The following MITF variants were observed in gnomAD, a reference collection of about 807,000 sequenced individuals.
MITF encodes the protein microphthalmia-associated transcription factor.
A neutral mutation model predicts 60.5 loss-of-function variants in MITF; 17 were observed. The ratio of observed to expected loss-of-function variants is 0.28; its 90% CI spans 0.19 to 0.42. The LOEUF (loss-of-function observed/expected upper bound fraction) is 0.42, where lower values mean the gene tolerates loss of function less well. Among genes scored for constraint, MITF ranks in the 10% least tolerant of loss-of-function variants. The pLI is 1.00. For synonymous variants in MITF, 260 were observed against 248.5 expected, an observed-to-expected ratio of 1.05 and a Z score of -0.43; for missense variants, 622 against 683.5, an observed-to-expected ratio of 0.91 and a Z score of 1.00.
At chr3:69,891,455 G>T (rs1047259489) in intron 2 of MITF, among the ~76,000 whole-genome samples, 2 of 152,156 alleles carry the variant, frequency 1.3e-5, no homozygotes, top group Non-Finnish European at 2.9e-5. Flanking sequence ...TAGCCACTGC[G>T]TCCCCTGCGA....
chr3:69,811,474 G>A (rs975150039), intron 1 of MITF, among the ~76,000 whole-genome samples: 5 of 152,164 alleles, frequency 3.3e-5, no homozygotes, highest in African/African-American at 1.2e-4. Flanking sequence ...CATAAAGTCT[G>A]GTTAAATGCA....
intron 1 of MITF, among the ~76,000 whole-genome samples, chr3:69,857,216 G>T (rs2107198458): frequency 6.6e-6 from 1 of 152,114 alleles, no homozygotes; most frequent in Non-Finnish European, 1.5e-5. Flanking sequence ...GTTTGCTTTT[G>T]TGTTCATTGG....
intron 2 of MITF, among the ~76,000 whole-genome samples, chr3:69,919,612 A>G (rs2107422510): frequency 6.6e-6 from 1 of 152,218 alleles, no homozygotes; most frequent in East Asian, 1.9e-4. Flanking sequence ...TAATAAATAC[A>G]AAAGAATAGC....
chr3:69,955,311 C>T (rs760344286), intron 7 of MITF, among the ~76,000 whole-genome samples: 1 of 151,966 alleles, frequency 6.6e-6, no homozygotes. Flanking sequence ...TAAATGTTTA[C>T]GTTGATTGCC....
chr3:69,887,600 G>A (rs962186401), intron 2 of MITF, among the ~76,000 whole-genome samples: 3 of 151,990 alleles, frequency 2.0e-5, no homozygotes, highest in South Asian at 2.1e-4. Flanking sequence ...AAATGAATCC[G>A]AATTGGAGCA....
chr3:69,864,213 A>G (rs1333632007), intron 1 of MITF, among the ~76,000 whole-genome samples: 1 of 152,224 alleles, frequency 6.6e-6, no homozygotes, highest in Non-Finnish European at 1.5e-5. Flanking sequence ...GTACAAAGTC[A>G]TAGAATTAGT....
At chr3:69,774,254 T>C (rs1255905436) in intron 1 of MITF, among the ~76,000 whole-genome samples, 6 of 152,174 alleles carry the variant, frequency 3.9e-5, no homozygotes. Flanking sequence ...TGCCCCAAAG[T>C]TGCATCATGA....
At chr3:69,865,336 A>T (rs766486369) in intron 1 of MITF, among the ~76,000 whole-genome samples, 6 of 152,188 alleles carry the variant, frequency 3.9e-5, no homozygotes, top group Non-Finnish European at 7.3e-5. Flanking sequence ...TCAGTGTCAG[A>T]TGTCTTTGTT....
chr3:69,753,857 G>A (rs1704029560), intron 1 of MITF, among the ~76,000 whole-genome samples: 1 of 152,126 alleles, frequency 6.6e-6, no homozygotes. Flanking sequence ...TTAATTTATA[G>A]GCTCATAGGC....
intron 2 of MITF, among the ~76,000 whole-genome samples, chr3:69,903,312 T>G (rs2065031875): frequency 6.6e-6 from 1 of 152,188 alleles, no homozygotes; most frequent in South Asian, 2.1e-4. Context: ...TTATTTCAGA[T>G]GGTAAGCACA....
intron 2 of MITF, among the ~76,000 whole-genome samples, chr3:69,892,877 C>T (rs145123862): frequency 1.2e-3 from 188 of 152,268 alleles, no homozygotes; most frequent in Non-Finnish European, 2.4e-3. Context: ...AAGTGTTTTT[C>T]TTCCTTTCTC....
At chr3:69,875,224 G>A (rs1473486676) in intron 1 of MITF, among the ~76,000 whole-genome samples, 2 of 152,184 alleles carry the variant, frequency 1.3e-5, no homozygotes, top group African/African-American at 2.4e-5. Context: ...AGTTCTCAGG[G>A]GAGTTGTGTG....
chr3:69,954,925 A>G (rs1044714321), intron 7 of MITF, among the ~76,000 whole-genome samples: 10 of 152,234 alleles, frequency 6.6e-5, no homozygotes, highest in Admixed American at 6.5e-4. Flanking sequence ...ATATTCTGGT[A>G]TTTAGAGTAA....
chr3:69,883,919 A>G (rs2064550290), intron 2 of MITF, among the ~76,000 whole-genome samples: 1 of 152,120 alleles, frequency 6.6e-6, no homozygotes, highest in East Asian at 1.9e-4. Context: ...ATTTATAAAC[A>G]TTGTTGTCCT....
intron 2 of MITF, among the ~76,000 whole-genome samples, chr3:69,887,195 T>C (rs1244796790): frequency 6.6e-6 from 1 of 152,226 alleles, no homozygotes; most frequent in Admixed American, 6.5e-5. Flanking sequence ...ATGAGTCTCC[T>C]TCACAAATAT....
At position 69,794,747 on chromosome 3, in the gene MITF, C is replaced by T. The variant is rs539187611; in HGVS notation, c.104+55046C>T. ...CATTTCCAGCACAGTAGAAGATTCC[C>T]TTTTCCCCATCTTAGCCAGTAAGCA... On this transcript the variant is annotated intron_variant, in intron 1 of 9. Coordinates refer to ENST00000352241, the MANE Select transcript of MITF (RefSeq NM_001354604.2). Among the ~76,000 whole-genome samples, 3 of 152,342 alleles carry T rather than the reference C, an allele frequency of 2.0e-5. No individual in the cohort carries two copies. The East Asian group carries it at 5.8e-4, about 29-fold the overall frequency.
chr3:69,763,993 A>G, intron 1 of MITF: 1 of 1,272,120 alleles, frequency 7.9e-7, no homozygotes, highest in Non-Finnish European at 1.0e-6. Context: ...CTTATATAGC[A>G]TGTTTTTTAA....
At position 69,967,231 on chromosome 3, in the gene MITF, A is replaced by G. The variant is rs1042803378; in HGVS notation, c.*1983A>G. 3 of 232,192 alleles carry G rather than the reference A, an allele frequency of 1.3e-5. No homozygotes were observed. Among genetic ancestry groups the G allele is most frequent in the African/African-American group, 6.6e-5 (3 of 45,236 alleles). The allele number at this position is 232,192 out of a possible 1,614,324, so 14.4% of individuals were successfully genotyped here. A position where few individuals can be genotyped will look rare whatever the true frequency, so the allele number is the denominator to read the frequency against. ...ACATTGGTGATGCTATCAGTTTTAT[A>G]GCTTTATTTCTTAAGGGGGTAGGGA... On this transcript the variant is annotated 3_prime_UTR_variant, in exon 10 of 10. Coordinates refer to ENST00000352241, the MANE Select transcript of MITF (RefSeq NM_001354604.2).
chr3:69,807,693 A>G (rs1301440297), intron 1 of MITF, among the ~76,000 whole-genome samples: 1 of 152,202 alleles, frequency 6.6e-6, no homozygotes, highest in African/African-American at 2.4e-5. Flanking sequence ...TGATACCTTT[A>G]TTTGGGTCAA....
Sources: gnomAD v4.1 joint callset for allele counts (sites outside exome capture counted in the v4.1 genomes callset) on GRCh38, gnomAD v4.1.1 for gene constraint, MANE v1.5 for transcripts, NCBI Gene and HGNC (gene_info 2026-07-23, HGNC 2026-07-21) for gene names.